Variants in COL23A1 observed in about 807,000 individuals in gnomAD.
The protein encoded by COL23A1 is collagen alpha-1(XXIII) chain.
In COL23A1, 97 loss-of-function variants were observed where a neutral mutation model predicts 99.3. The observed-to-expected ratio is 0.98, with a 90% confidence interval of 0.83 to 1.16. The LOEUF (loss-of-function observed/expected upper bound fraction) is 1.16. COL23A1 is among the 50% of genes most tolerant of loss of function. The pLI, the probability that COL23A1 is intolerant of heterozygous loss-of-function variation, is 0.00. For synonymous variants in COL23A1, 320 were observed against 308.2 expected, an observed-to-expected ratio of 1.04 and a Z score of -0.40; for missense variants, 762 against 757.4, an observed-to-expected ratio of 1.01 and a Z score of -0.07.
At chr5:178,527,463 C>T (rs1760373461) in intron 2 of COL23A1, among the ~76,000 whole-genome samples, 1 of 152,240 alleles carries the variant, frequency 6.6e-6, no homozygotes, top group Admixed American at 6.5e-5. Context: ...GGCCTCCAGG[C>T]ACCCCGCAGC....
chr5:178,253,548 T>C (rs1765145812), intron 16 of COL23A1, among the ~76,000 whole-genome samples: 1 of 151,988 alleles, frequency 6.6e-6, no homozygotes, highest in Middle Eastern at 3.2e-3. Flanking sequence ...AGAGGTGCGA[T>C]CTCAGTTCAC....
rs892876059 is a variant in COL23A1 at position 178,439,839 on chromosome 5, C to T, written c.361+120843G>A. ...GCAAATGGAGAAACTACAGTGTAGC[C>T]AATCAATGGAATACCACTACATGCT... is the stretch of plus-strand genomic sequence containing the variant. On this transcript the variant is annotated intron_variant, in intron 2 of 28. Transcript: ENST00000390654. The surrounding 1 kb of genome is among the most constrained non-coding windows in gnomAD (Gnocchi z 4.2). 11 of 152,178 alleles carry T rather than the reference C, an allele frequency of 7.2e-5. No homozygotes were observed. Among genetic ancestry groups the T allele is most frequent in the African/African-American group, 2.7e-4 (11 of 41,440 alleles). The allele number at this position is 152,178 out of a possible 1,614,324, so 9.4% of individuals were successfully genotyped here. A position where few individuals can be genotyped will look rare whatever the true frequency, so the allele number is the denominator to read the frequency against.
intron 1 of COL23A1, among the ~76,000 whole-genome samples, chr5:178,567,058 G>C (rs987212494): frequency 6.6e-6 from 1 of 151,926 alleles, no homozygotes; most frequent in Non-Finnish European, 1.5e-5. Flanking sequence ...GAAAGCTACA[G>C]TGAACCCTGT....
At chr5:178,372,157 C>G (rs1297030626) in intron 2 of COL23A1, among the ~76,000 whole-genome samples, 1 of 152,196 alleles carries the variant, frequency 6.6e-6, no homozygotes, top group Non-Finnish European at 1.5e-5. Context: ...GATGGGGCAG[C>G]AGGGGTGACT....
At chr5:178,469,300 A>G (rs1756609872) in intron 2 of COL23A1, among the ~76,000 whole-genome samples, 1 of 152,172 alleles carries the variant, frequency 6.6e-6, no homozygotes, top group African/African-American at 2.4e-5. Flanking sequence ...ATGATTAGGC[A>G]GGAGCTTGTT....
intron 5 of COL23A1, among the ~76,000 whole-genome samples, chr5:178,273,958 G>C (rs1756442258): frequency 6.6e-6 from 1 of 152,200 alleles, no homozygotes; most frequent in Non-Finnish European, 1.5e-5. Context: ...AACCTCCAGG[G>C]GATGGACCCT....
intron 2 of COL23A1, among the ~76,000 whole-genome samples, chr5:178,527,577 T>C (rs1760381468): frequency 6.6e-6 from 1 of 152,160 alleles, no homozygotes; most frequent in Non-Finnish European, 1.5e-5. Context: ...ACGTACAAAC[T>C]GTCCTCATGA....
At chr5:178,552,382 C>T (rs1762044155) in intron 2 of COL23A1, among the ~76,000 whole-genome samples, 1 of 152,086 alleles carries the variant, frequency 6.6e-6, no homozygotes, top group African/African-American at 2.4e-5. Flanking sequence ...TCGTGCCCCC[C>T]AAAAAATCAG....
At chr5:178,491,355 GAGA>G (rs1252115737) in intron 2 of COL23A1, among the ~76,000 whole-genome samples, 1 of 152,118 alleles carries the variant, frequency 6.6e-6, no homozygotes, top group Non-Finnish European at 1.5e-5. Flanking sequence ...CGAACTGCCT[GAGA>G]AGGACAGCCC....
Position 178,312,119 on chromosome 5 carries a change from G to A in COL23A1, c.362-5200C>T, listed in dbSNP as rs1456934461. Reference sequence around the variant, plus strand: ...GCAACACTGCAGGCAGGTTCGAGGTGCTGAGACGCCGACGGAGCCCTTGAC... The same window carrying A: ...GCAACACTGCAGGCAGGTTCGAGGTACTGAGACGCCGACGGAGCCCTTGAC... On this transcript the variant is annotated intron_variant, in intron 2 of 28. Transcript: ENST00000390654. Among the ~76,000 whole-genome samples, 3 of 152,326 alleles carry A rather than the reference G, an allele frequency of 2.0e-5. No individual in the cohort carries two copies. The South Asian group carries it at 6.2e-4, about 32-fold the overall frequency.
chr5:178,273,213 T>C (rs1756394029), intron 5 of COL23A1, among the ~76,000 whole-genome samples: 1 of 152,188 alleles, frequency 6.6e-6, no homozygotes, highest in Admixed American at 6.5e-5. Flanking sequence ...GCCCAGGCTG[T>C]CCCCTTGGCC....
chr5:178,276,098 G>A (rs1049846396), intron 5 of COL23A1, among the ~76,000 whole-genome samples: 24 of 152,172 alleles, frequency 1.6e-4, no homozygotes, highest in Non-Finnish European at 8.8e-5. Flanking sequence ...GTACATTCGG[G>A]ATGTGGAGTA....
At chr5:178,497,657 C>T (rs1037116212) in intron 2 of COL23A1, among the ~76,000 whole-genome samples, 15 of 151,952 alleles carry the variant, frequency 9.9e-5, no homozygotes, top group African/African-American at 3.4e-4. Flanking sequence ...GAAGAGACTA[C>T]GAGGACTGAG....
In COL23A1 at chr5:178,498,252, AT is replaced by A. The variant is rs1562025766; in HGVS notation, c.361+62429del. Among the ~76,000 whole-genome samples, 257 of 71,066 alleles carry A rather than the reference AT, an allele frequency of 3.6e-3. 13 individuals are homozygous for A. The highest frequency in any genetic ancestry group is 0.019 in the African/African-American group (220 of 11,796). The allele number at this position is 71,066 out of a possible 152,430, so 46.6% of individuals were successfully genotyped here. On this transcript the variant is annotated intron_variant, in intron 2 of 28. Coordinates refer to ENST00000390654, the MANE Select transcript of COL23A1 (RefSeq NM_173465.4). ...TATATATATATATATATATATATAT[AT>A]ATATAAAAGAACTTAAAAATAAAAA...
Position 178,247,804 on chromosome 5 carries a change from G to C in COL23A1, c.1240C>G (p.Pro414Ala), listed in dbSNP as rs754660106. 1.5e-5 allele frequency: 24 copies of C among 1,613,570 alleles called. No individual in the cohort carries two copies. The South Asian group carries it at 1.8e-4, about 12-fold the overall frequency. Reference protein sequence around the residue: ...LAQLIVEPGPPGPPGPPGPMG... With the variant: ...LAQLIVEPGPAGPPGPPGPMG... ...GGGCCTGGGGGGCCAGGGGGGCCAG[G>C]GGGCCCTGGCTCCACTATGAGCTGA... The change falls in exon 21 of 29, where the codon CCT (proline) becomes GCT (alanine). Residue 414 changes from proline (P) to alanine (A), a missense_variant. Physicochemically the swap from Pro to Ala is conservative, Grantham distance 27. Transcript: ENST00000390654.
At chr5:178,552,010 T>A (rs1301541488) in intron 2 of COL23A1, among the ~76,000 whole-genome samples, 6 of 152,132 alleles carry the variant, frequency 3.9e-5, no homozygotes, top group East Asian at 1.9e-4. Flanking sequence ...TCAGAATGCA[T>A]CCCCCATCCC....
chr5:178,366,547 C>G lies in COL23A1; in HGVS notation c.362-59628G>C, dbSNP rs78940745. On this transcript the variant is annotated intron_variant, in intron 2 of 28. Coordinates refer to ENST00000390654, the MANE Select transcript of COL23A1 (RefSeq NM_173465.4). This position sits in a 1 kb window ranked among gnomAD's most constrained non-coding sequence, Gnocchi z 4.4. ...CAGACCAACTTCCACCCTGCCCCAA[C>G]AGAGTGCTTTCAGATCACCCGCCCT... 6.6e-6 allele frequency among the ~76,000 whole-genome samples: 1 copy of G among 152,208 alleles called. No homozygotes were observed. The highest frequency in any genetic ancestry group is 1.5e-5 in the Non-Finnish European group (1 of 68,036).
chr5:178,418,517 C>T (rs1765429732), intron 2 of COL23A1, among the ~76,000 whole-genome samples: 4 of 152,234 alleles, frequency 2.6e-5, no homozygotes, highest in Admixed American at 2.6e-4. Flanking sequence ...GTGCCACTTG[C>T]CCCAGCTGCC....
chr5:178,262,198 G>C lies in COL23A1; in HGVS notation c.675+19C>G. 6.3e-7 allele frequency: 1 copy of C among 1,576,164 alleles called. No homozygotes were observed. The highest frequency in any genetic ancestry group is 1.2e-5 in the South Asian group (1 of 85,804). ...ATGATCCTAGCAGCCCAGGCCTCTG[G>C]AATGCCCTGGATACTGACCATCTCG... On this transcript the variant is annotated intron_variant, in intron 10 of 28. Coordinates refer to ENST00000390654, the MANE Select transcript of COL23A1 (RefSeq NM_173465.4).
Sources: gnomAD v4.1 joint callset for allele counts (sites outside exome capture counted in the v4.1 genomes callset) on GRCh38, gnomAD v4.1.1 for gene constraint, Gnocchi (gnomAD v3.1) non-coding constraint, MANE v1.5 for transcripts, NCBI Gene and HGNC (gene_info 2026-07-23, HGNC 2026-07-21) for gene names.